The following KDM4B variants were observed in gnomAD, a reference collection of about 807,000 sequenced individuals.
The protein encoded by KDM4B is lysine-specific demethylase 4B.
Under a neutral mutation model 125.2 loss-of-function variants are expected in KDM4B, and 32 were observed. The ratio of observed to expected loss-of-function variants is 0.26; its 90% CI spans 0.19 to 0.34. The LOEUF is 0.34. Among genes scored for constraint, KDM4B ranks in the 10% least tolerant of loss-of-function variants. The pLI, the probability that KDM4B is intolerant of heterozygous loss-of-function variation, is 1.00. For synonymous variants in KDM4B, 721 were observed against 677.9 expected, an observed-to-expected ratio of 1.06 and a Z score of -0.99; for missense variants, 1,190 against 1,577.7, an observed-to-expected ratio of 0.75 and a Z score of 4.16.
chr19:5,067,353 C>T (rs2037804668), intron 6 of KDM4B, among the ~76,000 whole-genome samples: 1 of 152,216 alleles, frequency 6.6e-6, no homozygotes, highest in Non-Finnish European at 1.5e-5. Context: ...TCTTCAGCTT[C>T]TTCCAGCAAT....
chr19:5,008,803 A>G (rs1480995906), intron 1 of KDM4B, among the ~76,000 whole-genome samples: 1 of 149,052 alleles, frequency 6.7e-6, no homozygotes, highest in Non-Finnish European at 1.5e-5. Flanking sequence ...GGTTTTCACC[A>G]TACTGGCCAG....
chr19:5,063,401 A>G (rs1410899567), intron 6 of KDM4B, among the ~76,000 whole-genome samples: 1 of 152,192 alleles, frequency 6.6e-6, no homozygotes, highest in Non-Finnish European at 1.5e-5. Flanking sequence ...AAACGAGCTC[A>G]GTAACGTCAG....
rs2039926289 is a variant in KDM4B at position 5,150,424 on chromosome 19, CT to C, written c.3089del (p.Leu1030ArgfsTer11). ...RGDIFTLEEE[L>X]PKRVRSRLSL... ...GGACATCTTCACCCTGGAGGAGGAG[CT>C]GCCCAAGAGGGTCCGCTCTCGGCTG... On this transcript the variant is annotated frameshift_variant, in exon 22 of 23. Coordinates refer to ENST00000159111, the MANE Select transcript of KDM4B (RefSeq NM_015015.3). LOFTEE classifies it high-confidence loss of function. 1 of 1,550,934 alleles carries C rather than the reference CT, an allele frequency of 6.4e-7. No individual in the cohort carries two copies. The highest frequency in any genetic ancestry group is 8.7e-7 in the Non-Finnish European group (1 of 1,146,900).
At chr19:5,008,906 CTTTT>C (rs200928850) in intron 1 of KDM4B, among the ~76,000 whole-genome samples, 86 of 104,462 alleles carry the variant, frequency 8.2e-4, no homozygotes, top group African/African-American at 3.6e-3. Flanking sequence ...TGGCCCCTGC[CTTTT>C]TTTTTTTTTT....
At chr19:5,149,279 C>T (rs1014242320) in intron 21 of KDM4B, among the ~76,000 whole-genome samples, 1 of 152,254 alleles carries the variant, frequency 6.6e-6, no homozygotes, top group Non-Finnish European at 1.5e-5. Context: ...TTATACACTT[C>T]CGTCATGGTC....
intron 6 of KDM4B, among the ~76,000 whole-genome samples, chr19:5,053,856 C>T (rs567211823): frequency 1.3e-5 from 2 of 152,398 alleles, no homozygotes; most frequent in African/African-American, 2.4e-5. Context: ...CCCAGGGGCC[C>T]AGCGTCCCGG....
At chr19:4,984,883 G>A (rs2034775474) in intron 1 of KDM4B, among the ~76,000 whole-genome samples, 1 of 152,170 alleles carries the variant, frequency 6.6e-6, no homozygotes, top group Non-Finnish European at 1.5e-5. Flanking sequence ...CGTGAAACCC[G>A]AGGTCTCCCT....
At position 5,096,634 on chromosome 19, in the gene KDM4B, C is replaced by T. The variant is rs967664686; in HGVS notation, c.919-13988C>T. Among the ~76,000 whole-genome samples, 4 of 150,202 alleles carry T rather than the reference C, an allele frequency of 2.7e-5. No homozygotes were observed. In the South Asian group the frequency reaches 8.4e-4, roughly 31 times the overall value. ...GGTGCCCCCGGCGGTGTCGGTGGTG[C>T]GTGTTGCCATGGCGCCTGCCTGGTG... On this transcript the variant is annotated intron_variant, in intron 9 of 22. Transcript: ENST00000159111.
chr19:5,150,957 C>T (rs1293338106), intron 22 of KDM4B, among the ~76,000 whole-genome samples: 1 of 152,230 alleles, frequency 6.6e-6, no homozygotes, highest in Non-Finnish European at 1.5e-5. Context: ...CATGGGCTTC[C>T]TTTATTCTCT....
chr19:5,119,213 G>A (rs1459158480), intron 10 of KDM4B: 2 of 1,531,988 alleles, frequency 1.3e-6, no homozygotes, highest in Non-Finnish European at 1.7e-6. Flanking sequence ...AAAAGGCCGG[G>A]GCTGTCGTAA....
intron 11 of KDM4B, among the ~76,000 whole-genome samples, chr19:5,121,708 A>C (rs2039365541): frequency 6.6e-6 from 1 of 152,100 alleles, no homozygotes; most frequent in Non-Finnish European, 1.5e-5. Context: ...AAACAGAAGG[A>C]CCTACCAGGT....
chr19:5,126,418 G>A (rs577144077), intron 11 of KDM4B, among the ~76,000 whole-genome samples: 75 of 152,276 alleles, frequency 4.9e-4, no homozygotes, highest in Middle Eastern at 3.4e-3. Context: ...GGGAGGCCCC[G>A]CCTCCTGGAA....
At chr19:5,088,627 G>T (rs1333403520) in intron 9 of KDM4B, among the ~76,000 whole-genome samples, 1 of 150,422 alleles carries the variant, frequency 6.6e-6, no homozygotes, top group East Asian at 2.0e-4. Context: ...CCCTGAGGGG[G>T]CCCCTGAGGC....
At chr19:5,113,777 G>A (rs959526859) in intron 10 of KDM4B, 3 of 576,080 alleles carry the variant, frequency 5.2e-6, no homozygotes, top group African/African-American at 4.0e-5. Context: ...GGGAACCCCT[G>A]CCCTAGACCA....
chr19:5,036,067 C>T (rs377693479), intron 3 of KDM4B, among the ~76,000 whole-genome samples: 22 of 152,282 alleles, frequency 1.4e-4, no homozygotes, highest in East Asian at 3.9e-4. Flanking sequence ...GGCAGCCCTG[C>T]GTCTTCCAAA....
chr19:5,144,963 G>T, intron 21 of KDM4B, 61 bp downstream of exon 21: 4 of 1,606,070 alleles, frequency 2.5e-6, no homozygotes, highest in Middle Eastern at 1.7e-4. Flanking sequence ...TAGGTGCGGG[G>T]ACAGGAGGAT....
At chr19:5,149,086 A>G (rs2039901390) in intron 21 of KDM4B, among the ~76,000 whole-genome samples, 1 of 152,206 alleles carries the variant, frequency 6.6e-6, no homozygotes, top group South Asian at 2.1e-4. Context: ...TCCAGGGCCT[A>G]CGTCTGTCTC....
In KDM4B at chr19:5,039,817, T is replaced by A. The variant is rs1222148433; in HGVS notation, c.142-19T>A. 1 of 1,609,096 alleles carries A rather than the reference T, an allele frequency of 6.2e-7. No individual in the cohort carries two copies. ...CTGAGGGTCTGAGGGTGCCACTGAC[T>A]CCCATCTTGGTCTTGCAGATCATCC... On this transcript the variant is annotated intron_variant, in intron 3 of 22. Coordinates refer to ENST00000159111, the MANE Select transcript of KDM4B (RefSeq NM_015015.3).
chr19:5,013,948 G>A lies in KDM4B; in HGVS notation c.-108-2309G>A, dbSNP rs77587977. On this transcript the variant is annotated intron_variant, in intron 1 of 22. Transcript: ENST00000159111. Reference sequence around the variant, plus strand: ...GAAGCCCTTTGCAGGGCACTTGGCCGCTCATCTGGCACAGGGGAAGAGGCG... The same window carrying A: ...GAAGCCCTTTGCAGGGCACTTGGCCACTCATCTGGCACAGGGGAAGAGGCG... Among the ~76,000 whole-genome samples, 971 of 152,316 alleles carry A rather than the reference G, an allele frequency of 6.4e-3. 11 individuals are homozygous for A. The highest frequency in any genetic ancestry group is 0.022 in the African/African-American group (919 of 41,572).
Sources: allele counts gnomAD v4.1 joint callset (sites outside exome capture counted in the v4.1 genomes callset), GRCh38; gene constraint gnomAD v4.1.1; transcripts MANE v1.5; gene names NCBI Gene and HGNC (gene_info 2026-07-23, HGNC 2026-07-21).